The following BCL7A variants were observed in gnomAD, a reference collection of about 807,000 sequenced individuals.
BCL7A encodes BAF chromatin remodeling complex subunit BCL7A.
Under a neutral mutation model 28.4 loss-of-function variants are expected in BCL7A, and 11 were observed. That is an observed-to-expected ratio of 0.39 (90% CI 0.24 to 0.64). The LOEUF is 0.64. Ranked by LOEUF, BCL7A falls within the 30% of genes least tolerant of loss-of-function variation. The pLI, the probability that BCL7A is intolerant of heterozygous loss-of-function variation, is 0.50. For missense variants in BCL7A, 222 were observed against 274.8 expected (o/e 0.81, Z 1.36); for synonymous variants, 123 against 103.3 (o/e 1.19, Z -1.15).
chr12:122,030,386 C>A (rs542602502), intron 1 of BCL7A, among the ~76,000 whole-genome samples: 44 of 152,366 alleles, frequency 2.9e-4, no homozygotes, highest in African/African-American at 1.0e-3. Flanking sequence ...GGCTGCGTGG[C>A]ATTGGCAGTG....
At chr12:122,028,287 G>A (rs966824424) in intron 1 of BCL7A, among the ~76,000 whole-genome samples, 4 of 152,316 alleles carry the variant, frequency 2.6e-5, no homozygotes, top group East Asian at 3.9e-4. Context: ...TGTAGCCTGC[G>A]GTGGCCTCGA....
Position 122,061,775 on chromosome 12 carries a change from C to T in BCL7A, c.*2612C>T, listed in dbSNP as rs1054239418. 1.9e-4 allele frequency: 44 copies of T among 229,894 alleles called. No homozygotes were observed. The highest frequency in any genetic ancestry group is 8.2e-4 in the African/African-American group (37 of 45,106). 14.2% of individuals were successfully genotyped at this position (229,894 alleles called of 1,614,324 possible). ...AGTGCTGGCACTTACACCCACAACC[C>T]GGAAGGCTGTGGACCGATTCCTCTA... is the stretch of plus-strand genomic sequence containing the variant. On this transcript the variant is annotated 3_prime_UTR_variant, in exon 6 of 6. Coordinates refer to ENST00000261822, the MANE Select transcript of BCL7A (RefSeq NM_001024808.3).
chr12:122,040,757 A>T (rs1056713898), intron 3 of BCL7A, among the ~76,000 whole-genome samples: 2 of 152,090 alleles, frequency 1.3e-5, no homozygotes, highest in African/African-American at 4.8e-5. Context: ...GAAGGCTTCA[A>T]GTGGGAGGAT....
chr12:122,059,516 C>T lies in BCL7A; in HGVS notation c.*353C>T, dbSNP rs983593435. 5 of 258,844 alleles carry T rather than the reference C, an allele frequency of 1.9e-5. No individual in the cohort carries two copies. Among genetic ancestry groups the T allele is most frequent in the African/African-American group, 6.5e-5 (3 of 46,178 alleles). 16.0% of individuals were successfully genotyped at this position (258,844 alleles called of 1,614,324 possible). On this transcript the variant is annotated 3_prime_UTR_variant, in exon 6 of 6. Coordinates refer to ENST00000261822, the MANE Select transcript of BCL7A (RefSeq NM_001024808.3). This position sits in a 1 kb window ranked among gnomAD's most constrained non-coding sequence, Gnocchi z 4.0. ...GATATAAGCTATCGGAGGGTGGTAC[C>T]GATCAGGAACGCTTTTTGGCGGGGC...
At chr12:122,027,723 G>C (rs1883658467) in intron 1 of BCL7A, among the ~76,000 whole-genome samples, 1 of 151,992 alleles carries the variant, frequency 6.6e-6, no homozygotes, top group African/African-American at 2.4e-5. Flanking sequence ...TGTAGTCCCA[G>C]CTACTCAGGA....
chr12:122,052,443 C>G (rs2135858612), intron 4 of BCL7A, among the ~76,000 whole-genome samples: 1 of 152,250 alleles, frequency 6.6e-6, no homozygotes, highest in Middle Eastern at 3.4e-3. Context: ...TATCTGGTTC[C>G]AAAACATTTT....
intron 3 of BCL7A, among the ~76,000 whole-genome samples, chr12:122,035,760 C>CATATAAATT (rs1883837813): frequency 6.6e-6 from 1 of 152,228 alleles, no homozygotes; most frequent in Non-Finnish European, 1.5e-5. Context: ...TTCGCCCCCT[C>CATATAAATT]ATATAAATTA....
intron 1 of BCL7A, among the ~76,000 whole-genome samples, chr12:122,025,026 C>G (rs2135837060): frequency 6.7e-6 from 1 of 150,072 alleles, no homozygotes; most frequent in Non-Finnish European, 1.5e-5. Context: ...CTCCTGTTCT[C>G]TTTTTCTGGT....
chr12:122,030,645 G>C (rs1159645604), intron 1 of BCL7A, 55 bp from the exon 2 acceptor site: 1 of 1,520,540 alleles, frequency 6.6e-7, no homozygotes, highest in African/African-American at 1.4e-5. Context: ...AGTGTGGCCT[G>C]TGTCCCCCAG....
chr12:122,061,275 G>A lies in BCL7A; in HGVS notation c.*2112G>A, dbSNP rs1298580743. The A allele has an allele frequency of 3.0e-5, 7 of 230,918 alleles. No individual in the cohort carries two copies. The highest frequency in any genetic ancestry group is 6.6e-5 in the African/African-American group (3 of 45,184). 14.3% of individuals were successfully genotyped at this position (230,918 alleles called of 1,614,324 possible). On this transcript the variant is annotated 3_prime_UTR_variant, in exon 6 of 6. Transcript: ENST00000261822. ...ACAGAGAGGCGTAGGTGGCCCTGCC[G>A]TTGACCGCAGCCTCTCTGGACAGGC...
At chr12:122,042,770 A>G (rs1284440509) in intron 3 of BCL7A, among the ~76,000 whole-genome samples, 1 of 152,162 alleles carries the variant, frequency 6.6e-6, no homozygotes. Context: ...CCTAAACGTC[A>G]TAGCATGCAT....
At position 122,049,225 on chromosome 12, in the gene BCL7A, T is replaced by TAAA. The variant is rs72232692; in HGVS notation, c.439+5187_439+5189dup. ...TGGATGACAGAGCATGACCCTGTCT[T>TAAA]AAAAAAAAAAAAAAAAAGAGAAGAA... On this transcript the variant is annotated intron_variant, in intron 4 of 5. Transcript: ENST00000261822. Among the ~76,000 whole-genome samples the TAAA allele has an allele frequency of 2.6e-3, 312 of 119,688 alleles. 3 individuals are homozygous for TAAA. Among genetic ancestry groups the TAAA allele is most frequent in the Non-Finnish European group, 3.3e-3 (192 of 59,038 alleles). The allele number at this position is 119,688 out of a possible 152,430, so 78.5% of individuals were successfully genotyped here. A position where few individuals can be genotyped will look rare whatever the true frequency, so the allele number is the denominator to read the frequency against.
At chr12:122,038,165 C>G (rs1312181344) in intron 3 of BCL7A, among the ~76,000 whole-genome samples, 1 of 151,810 alleles carries the variant, frequency 6.6e-6, no homozygotes, top group African/African-American at 2.4e-5. Flanking sequence ...GGCACAGTGG[C>G]TCACGCCTGT....
intron 4 of BCL7A, among the ~76,000 whole-genome samples, chr12:122,049,014 G>A (rs1284147217): frequency 3.4e-5 from 3 of 87,750 alleles, no homozygotes; most frequent in Non-Finnish European, 6.3e-5. Flanking sequence ...AGAGTGAAAC[G>A]TGTAAAAAAA....
Position 122,060,826 on chromosome 12 carries a change from A to G in BCL7A, c.*1663A>G, listed in dbSNP as rs1483028086. ...TTAAGGGATCCTGTCTATTTCCTGCACTTCGAGAAGAATCAAAATGTTCCT... is the reference window on the plus strand; with the variant it reads ...TTAAGGGATCCTGTCTATTTCCTGCGCTTCGAGAAGAATCAAAATGTTCCT... On this transcript the variant is annotated 3_prime_UTR_variant, in exon 6 of 6. Transcript: ENST00000261822. 1 of 227,872 alleles carries G rather than the reference A, an allele frequency of 4.4e-6. No individual in the cohort carries two copies. Among genetic ancestry groups the G allele is most frequent in the African/African-American group, 2.2e-5 (1 of 44,474 alleles). The allele number at this position is 227,872 out of a possible 1,614,324, so 14.1% of individuals were successfully genotyped here. A position where few individuals can be genotyped will look rare whatever the true frequency, so the allele number is the denominator to read the frequency against.
chr12:122,037,000 C>T (rs1309319289), intron 3 of BCL7A, among the ~76,000 whole-genome samples: 10 of 152,184 alleles, frequency 6.6e-5, no homozygotes, highest in South Asian at 2.1e-4. Flanking sequence ...CCACCGCACC[C>T]GTCCCTAAAG....
chr12:122,047,325 C>T (rs1884097373), intron 4 of BCL7A, among the ~76,000 whole-genome samples: 1 of 150,952 alleles, frequency 6.6e-6, no homozygotes, highest in African/African-American at 2.4e-5. Context: ...AGATTGAGAC[C>T]ATCCTGGCTA....
At position 122,029,244 on chromosome 12, in the gene BCL7A, G is replaced by T. The variant is rs1377131050; in HGVS notation, c.93-1456G>T. Among the ~76,000 whole-genome samples the T allele has an allele frequency of 3.3e-5, 5 of 152,198 alleles. No individual in the cohort carries two copies. Among genetic ancestry groups the T allele is most frequent in the Admixed American group, 6.5e-5 (1 of 15,280 alleles). The stretch of plus-strand genomic sequence containing the variant: ...AATGGCCACTGGTATAATAAGAAAA[G>T]CCGGGCCGTAGCGTCCTCTGATGGA... On this transcript the variant is annotated intron_variant, in intron 1 of 5. Coordinates refer to ENST00000261822, the MANE Select transcript of BCL7A (RefSeq NM_001024808.3). This position sits in a 1 kb window ranked among gnomAD's most constrained non-coding sequence, Gnocchi z 4.3.
chr12:122,027,092 GGCTGC>G, intron 1 of BCL7A, among the ~76,000 whole-genome samples: 1 of 152,190 alleles, frequency 6.6e-6, no homozygotes, highest in Non-Finnish European at 1.5e-5. Flanking sequence ...CAGCAAGTTG[GGCTGC>G]AGCCTGGTGG....
Sources: allele counts gnomAD v4.1 joint callset (sites outside exome capture counted in the v4.1 genomes callset), GRCh38; gene constraint gnomAD v4.1.1; non-coding constraint Gnocchi (gnomAD v3.1); transcripts MANE v1.5; gene names NCBI Gene and HGNC (gene_info 2026-07-23, HGNC 2026-07-21).